FANCL: variants seen among roughly 807,000 people sequenced by gnomAD.
FANCL encodes the protein E3 ubiquitin-protein ligase FANCL.
FANCL carries 69 observed loss-of-function variants against 59.4 expected under a neutral mutation model. The ratio of observed to expected loss-of-function variants is 1.16; its 90% CI spans 0.96 to 1.42. The LOEUF (loss-of-function observed/expected upper bound fraction) is 1.42, where lower values mean the gene tolerates loss of function less well. Ranked by LOEUF, FANCL falls within the 40% of genes most tolerant of loss-of-function variation. The pLI is 0.00. For synonymous variants in FANCL, 180 were observed against 147.1 expected (o/e 1.22, Z -1.62); for missense variants, 519 against 447.2 (o/e 1.16, Z -1.45).
chr2:58,162,831 A>G, intron 11 of FANCL, 35 bp downstream of exon 11: 1 of 1,553,670 alleles, frequency 6.4e-7, no homozygotes, highest in Non-Finnish European at 8.9e-7. Context: ...ATTATGCAAT[A>G]CTGTCTGGAA....
chr2:58,159,553 G>A lies in FANCL; in HGVS notation c.*212C>T. Reference sequence around the variant, plus strand: ...TTCCACAGTCAGCACGGGGATCACAGACTTAGAAAGTTCAACTGGACTTTG... The same window carrying A: ...TTCCACAGTCAGCACGGGGATCACAAACTTAGAAAGTTCAACTGGACTTTG... On this transcript the variant is annotated 3_prime_UTR_variant, in exon 14 of 14. Coordinates refer to ENST00000233741, the MANE Select transcript of FANCL (RefSeq NM_018062.4). 6.2e-7 allele frequency: 1 copy of A among 1,613,798 alleles called. No individual in the cohort carries two copies. The highest frequency in any genetic ancestry group is 8.5e-7 in the Non-Finnish European group (1 of 1,179,812).
intron 7 of FANCL, among the ~76,000 whole-genome samples, chr2:58,196,070 T>C (rs1218332818): frequency 3.3e-5 from 5 of 152,002 alleles, no homozygotes; most frequent in African/African-American, 1.2e-4. Flanking sequence ...GTATTTAAAA[T>C]AAATATAGTA....
In FANCL at chr2:58,221,958, T is replaced by C. The variant is rs1424412911; in HGVS notation, c.358A>G (p.Thr120Ala). Residue 120 changes from threonine (T) to alanine (A), a missense_variant, in exon 5 of 14, where the codon ACT (threonine) becomes GCT (alanine). Transcript: ENST00000233741. ...FYSSLIEEIG[T>A]LGWDKLVYAD... ...CAGACATACTTATCCCAACCAAGAG[T>C]TCCTATCTCTTCAATAAGGCTTGAG... The C allele has an allele frequency of 6.2e-7, 1 of 1,609,634 alleles. No homozygotes were observed. The highest frequency in any genetic ancestry group is 8.5e-7 in the Non-Finnish European group (1 of 1,176,182).
intron 1 of FANCL, among the ~76,000 whole-genome samples, chr2:58,238,585 C>G (rs559810347): frequency 6.6e-6 from 1 of 151,992 alleles, no homozygotes; most frequent in South Asian, 2.1e-4. Context: ...AAAGCTCACT[C>G]AAAAGGAAAG....
chr2:58,183,661 T>G (rs1688135891), intron 7 of FANCL, among the ~76,000 whole-genome samples: 1 of 152,002 alleles, frequency 6.6e-6, no homozygotes, highest in Non-Finnish European at 1.5e-5. Context: ...TTTTATTCTC[T>G]TCTTTGTACC....
intron 7 of FANCL, among the ~76,000 whole-genome samples, chr2:58,183,327 T>TG (rs979751679): frequency 6.6e-6 from 1 of 151,832 alleles, no homozygotes; most frequent in African/African-American, 2.4e-5. Flanking sequence ...TACAGGATGG[T>TG]GAAAAAAAAA....
At chr2:58,222,207 A>C (rs528270425) in intron 4 of FANCL, among the ~76,000 whole-genome samples, 165 bp from the exon 5 acceptor site, 93 of 152,088 alleles carry the variant, frequency 6.1e-4, no homozygotes, top group Non-Finnish European at 1.1e-3. Flanking sequence ...AAAAAGAGAC[A>C]AGAAAAAGTT....
chr2:58,219,515 G>A (rs1329249614), intron 5 of FANCL, among the ~76,000 whole-genome samples: 1 of 151,738 alleles, frequency 6.6e-6, no homozygotes, highest in Admixed American at 6.6e-5. Flanking sequence ...AAAGTGTGGA[G>A]AGAGAGAAAA....
rs76889506 is a variant in FANCL, at chr2:58,196,620, T to C, written c.540+1974A>G. Among the ~76,000 whole-genome samples the C allele has an allele frequency of 7.3e-3, 1,108 of 152,054 alleles. 10 individuals carry two copies. Among genetic ancestry groups the C allele is most frequent in the Non-Finnish European group, 0.011 (772 of 67,916 alleles). On this transcript the variant is annotated intron_variant, in intron 7 of 13. Transcript: ENST00000233741. ...TGTGGATATAAAATTTAAAAGAAAT[T>C]GCCTTCAAAGACTTTCCAGTCTAGT... is the stretch of plus-strand genomic sequence containing the variant.
chr2:58,228,884 T>C (rs1693298830), intron 3 of FANCL, among the ~76,000 whole-genome samples: 1 of 152,198 alleles, frequency 6.6e-6, no homozygotes, highest in Non-Finnish European at 1.5e-5. Context: ...TAAACCATTT[T>C]TTCCCATGCT....
intron 4 of FANCL, 151 bp downstream of exon 4, chr2:58,226,577 C>T: frequency 1.5e-6 from 1 of 663,110 alleles, no homozygotes; most frequent in Non-Finnish European, 2.7e-6. Flanking sequence ...AGAAATGCGT[C>T]ATCTATATTT....
At chr2:58,194,387 A>G (rs1689232593) in intron 7 of FANCL, 7 of 445,932 alleles carry the variant, frequency 1.6e-5, no homozygotes, top group Non-Finnish European at 9.2e-6. Context: ...ACCTGTATGT[A>G]AAATTCTAAA....
At chr2:58,161,750 T>C (rs778466592) in intron 11 of FANCL, 112 bp from the exon 12 acceptor site, 1 of 715,314 alleles carries the variant, frequency 1.4e-6, no homozygotes. Flanking sequence ...TGTTTAATGA[T>C]GACATCAGGA....
At chr2:58,166,414 G>T (rs1374099203) in intron 7 of FANCL, among the ~76,000 whole-genome samples, 1 of 152,046 alleles carries the variant, frequency 6.6e-6, no homozygotes, top group East Asian at 1.9e-4. Context: ...TAAAACAGAA[G>T]GTACAAATGA....
At chr2:58,217,183 T>TAG (rs1691860013) in intron 5 of FANCL, among the ~76,000 whole-genome samples, 1 of 4,812 alleles carries the variant, frequency 2.1e-4, no homozygotes, top group Non-Finnish European at 3.5e-4. Flanking sequence ...TATATATATA[T>TAG]ATATATATAT....
At chr2:58,238,603 C>G (rs1224178795) in intron 1 of FANCL, among the ~76,000 whole-genome samples, 1 of 152,122 alleles carries the variant, frequency 6.6e-6, no homozygotes, top group Non-Finnish European at 1.5e-5. Flanking sequence ...AAGAGAAAAT[C>G]TGATAATAGA....
intron 3 of FANCL, among the ~76,000 whole-genome samples, chr2:58,229,505 A>C (rs1166302387): frequency 1.3e-5 from 2 of 151,960 alleles, no homozygotes; most frequent in Non-Finnish European, 2.9e-5. Context: ...AATGGGTCTG[A>C]TTTTTTTTCC....
At position 58,165,848 on chromosome 2, in the gene FANCL, C is replaced by A; in HGVS notation, c.567G>T (p.Gln189His). 1 of 1,613,990 alleles carries A rather than the reference C, an allele frequency of 6.2e-7. No individual in the cohort carries two copies. Among genetic ancestry groups the A allele is most frequent in the Non-Finnish European group, 8.5e-7 (1 of 1,179,962 alleles). Residue 189 changes from glutamine (Q) to histidine (H), a missense_variant, in exon 8 of 14, where the codon CAG becomes CAT. Coordinates refer to ENST00000233741, the MANE Select transcript of FANCL (RefSeq NM_018062.4). ...TTAGTGATTCTATTGCTGCCAAAAA[C>A]TGACTATAAATGCTTATTAAGGAGC... ...PQSSLISIYS[Q>H]FLAAIESLKA... is the part of the protein sequence containing the mutation.
intron 5 of FANCL, among the ~76,000 whole-genome samples, chr2:58,217,141 AGATT>A (rs1214423280): frequency 2.4e-4 from 23 of 96,506 alleles, no homozygotes; most frequent in South Asian, 4.1e-4. Flanking sequence ...TTTTATATAT[AGATT>A]TATATATATA....
Sources: allele counts gnomAD v4.1 joint callset (sites outside exome capture counted in the v4.1 genomes callset), GRCh38; gene constraint gnomAD v4.1.1; transcripts MANE v1.5; gene names NCBI Gene and HGNC (gene_info 2026-07-23, HGNC 2026-07-21).